Variants in FAM81B observed in about 807,000 individuals in gnomAD.
FAM81B encodes the protein family with sequence similarity 81 member B.
In FAM81B, 60 loss-of-function variants were observed where a neutral mutation model predicts 58.7. The observed-to-expected ratio is 1.02, with a 90% CI of 0.83 to 1.27. The LOEUF is 1.27. Among genes scored for constraint, FAM81B ranks in the 50% most tolerant of loss-of-function variants. The pLI is 0.00. For synonymous variants in FAM81B, 189 were observed against 179.6 expected (o/e 1.05, Z -0.42); for missense variants, 491 against 522.0 (o/e 0.94, Z 0.58).
intron 7 of FAM81B, among the ~76,000 whole-genome samples, chr5:95,441,750 C>T (rs1055921942): frequency 6.6e-5 from 10 of 152,178 alleles, no homozygotes; most frequent in African/African-American, 2.4e-4. Context: ...GATTTGGGCA[C>T]TGATCTCTAG....
intron 4 of FAM81B, among the ~76,000 whole-genome samples, chr5:95,417,157 A>G (rs976609490): frequency 7.9e-5 from 12 of 152,212 alleles, no homozygotes; most frequent in Admixed American, 2.0e-4. Flanking sequence ...ATACTGTGAA[A>G]GCTCTTGATA....
Position 95,392,888 on chromosome 5 carries a change from A to G in FAM81B, c.219A>G (p.Gln73=). 6.2e-7 allele frequency: 1 copy of G among 1,605,726 alleles called. No individual in the cohort carries two copies. Among genetic ancestry groups the G allele is most frequent in the African/African-American group, 1.3e-5 (1 of 74,424 alleles). ...CCCTTCCTGGCTCAGACAATAACCA[A>G]GAAAAGAAAGCAAGTACTTTTCAAT... ...DGPLPGSDNN[Q]EKKVRLSPAK... is the part of the protein sequence containing the mutation. The change falls in exon 2 of 10, where the codon CAA becomes CAG. Residue 73 remains glutamine, a synonymous_variant. Coordinates refer to ENST00000283357, the MANE Select transcript of FAM81B (RefSeq NM_152548.3).
chr5:95,402,175 A>G (rs1200125506), intron 3 of FAM81B, among the ~76,000 whole-genome samples: 1 of 152,238 alleles, frequency 6.6e-6, no homozygotes, highest in East Asian at 1.9e-4. Flanking sequence ...AGGAATACCT[A>G]ATGATTTGAA....
intron 3 of FAM81B, among the ~76,000 whole-genome samples, chr5:95,404,228 C>T (rs1762187694): frequency 6.6e-6 from 1 of 152,146 alleles, no homozygotes; most frequent in Non-Finnish European, 1.5e-5. Flanking sequence ...TCCCTTCTGC[C>T]TCTGACTCAT....
rs1372727442 is a variant in FAM81B, at chr5:95,428,678, C to A, written c.732C>A (p.Ala244=). 1 of 1,614,020 alleles carries A rather than the reference C, an allele frequency of 6.2e-7. No individual in the cohort carries two copies. The highest frequency in any genetic ancestry group is 1.7e-5 in the Admixed American group (1 of 60,022). The part of the protein sequence containing the change: ...FRQEHRQIEK[A]IQEFVPALET... ...AAGAGCACCGGCAAATTGAGAAAGCCATTCAAGAATTCGTGCCCGCCCTGG... is the reference window on the plus strand; with the variant it reads ...AAGAGCACCGGCAAATTGAGAAAGCAATTCAAGAATTCGTGCCCGCCCTGG... The change falls in exon 6 of 10, where the codon GCC becomes GCA. Residue 244 remains alanine, a synonymous_variant. Coordinates refer to ENST00000283357, the MANE Select transcript of FAM81B (RefSeq NM_152548.3).
At chr5:95,418,528 C>A (rs1160476837) in intron 4 of FAM81B, among the ~76,000 whole-genome samples, 1 of 152,090 alleles carries the variant, frequency 6.6e-6, no homozygotes, top group African/African-American at 2.4e-5. Context: ...GAGTTACAGC[C>A]ACAGTGTGTA....
chr5:95,424,922 G>T (rs751195797), intron 5 of FAM81B, among the ~76,000 whole-genome samples: 1 of 151,982 alleles, frequency 6.6e-6, no homozygotes, highest in African/African-American at 2.4e-5. Flanking sequence ...GGAATTGCTC[G>T]GGATAGATGA....
At chr5:95,448,014 C>A (rs1051115116) in intron 8 of FAM81B, among the ~76,000 whole-genome samples, 3 of 152,092 alleles carry the variant, frequency 2.0e-5, no homozygotes, top group Admixed American at 6.5e-5. Context: ...GACTTAAATG[C>A]CAAATTCTCA....
At chr5:95,449,553 T>G (rs1342679863) in intron 9 of FAM81B, among the ~76,000 whole-genome samples, 2 of 152,216 alleles carry the variant, frequency 1.3e-5, no homozygotes, top group African/African-American at 4.8e-5. Context: ...GGTTTGCTGC[T>G]TTATGCCTTT....
intron 3 of FAM81B, among the ~76,000 whole-genome samples, chr5:95,403,258 C>G (rs1444531256): frequency 6.6e-6 from 1 of 152,108 alleles, no homozygotes; most frequent in Non-Finnish European, 1.5e-5. Context: ...CCTCCCTCAC[C>G]CTCCCCTGTG....
chr5:95,434,705 G>A (rs763480215), intron 6 of FAM81B, among the ~76,000 whole-genome samples: 27 of 152,022 alleles, frequency 1.8e-4, no homozygotes, highest in South Asian at 2.1e-4. Context: ...TTTAAACTTC[G>A]TGAAATGAAT....
intron 3 of FAM81B, among the ~76,000 whole-genome samples, chr5:95,410,067 T>C (rs984108794): frequency 3.3e-5 from 5 of 152,180 alleles, no homozygotes; most frequent in Non-Finnish European, 7.3e-5. Context: ...GCCAATGAAA[T>C]ATAGACAAAA....
At chr5:95,444,026 T>C (rs1456538332) in intron 7 of FAM81B, among the ~76,000 whole-genome samples, 1 of 152,192 alleles carries the variant, frequency 6.6e-6, no homozygotes, top group African/African-American at 2.4e-5. Flanking sequence ...CTTGATTATC[T>C]GGGGATTTAC....
At chr5:95,396,378 G>A (rs1209295718) in intron 3 of FAM81B, among the ~76,000 whole-genome samples, 2 of 152,156 alleles carry the variant, frequency 1.3e-5, no homozygotes, top group East Asian at 1.9e-4. Context: ...CTGATTGACA[G>A]AACAAGCAGA....
intron 5 of FAM81B, among the ~76,000 whole-genome samples, chr5:95,425,910 G>C (rs1433993797): frequency 2.0e-5 from 3 of 151,212 alleles, no homozygotes; most frequent in African/African-American, 7.3e-5. Flanking sequence ...GCTTTTTATA[G>C]ATTCTTTTTT....
chr5:95,431,491 A>G (rs1403873129), intron 6 of FAM81B, among the ~76,000 whole-genome samples: 2 of 152,042 alleles, frequency 1.3e-5, no homozygotes, highest in African/African-American at 4.8e-5. Context: ...ATTTCAATAA[A>G]TAAATCAAAA....
chr5:95,421,246 C>A (rs1762673589), intron 5 of FAM81B, among the ~76,000 whole-genome samples: 1 of 152,150 alleles, frequency 6.6e-6, no homozygotes, highest in Non-Finnish European at 1.5e-5. Flanking sequence ...GAATGCTGTA[C>A]TAAAAGTCTG....
chr5:95,439,262 A>ATATATATATATATATATATATG (rs1554046256), intron 7 of FAM81B, among the ~76,000 whole-genome samples: 1 of 144,404 alleles, frequency 6.9e-6, no homozygotes, highest in African/African-American at 2.5e-5. Context: ...ATATATATAT[A>ATATATATATATATATATATATG]TATGTATATT....
chr5:95,430,436 TAA>T (rs139495883), intron 6 of FAM81B, among the ~76,000 whole-genome samples: 21,708 of 145,580 alleles, frequency 0.15, 2,304 homozygotes, highest in African/African-American at 0.3. Context: ...GCTATGCTTT[TAA>T]AAAAAAAAAA....
Sources: allele counts gnomAD v4.1 joint callset (sites outside exome capture counted in the v4.1 genomes callset), GRCh38; gene constraint gnomAD v4.1.1; transcripts MANE v1.5; gene names NCBI Gene and HGNC (gene_info 2026-07-23, HGNC 2026-07-21).